The following ASIC2 variants were observed in gnomAD, a reference collection of about 807,000 sequenced individuals.
The protein encoded by ASIC2 is acid-sensing ion channel 2.
Under a neutral mutation model 57.3 loss-of-function variants are expected in ASIC2, and 25 were observed. The observed-to-expected ratio is 0.44, with a 90% CI of 0.32 to 0.61. The LOEUF is 0.61. Ranked by LOEUF, ASIC2 falls within the 20% of genes least tolerant of loss-of-function variation. ASIC2 has a pLI of 0.06. For synonymous variants in ASIC2, 319 were observed against 307.5 expected (o/e 1.04, Z -0.39); for missense variants, 641 against 738.1 (o/e 0.87, Z 1.52).
chr17:33,161,293 C>T (rs1905153377), intron 1 of ASIC2, among the ~76,000 whole-genome samples: 1 of 152,198 alleles, frequency 6.6e-6, no homozygotes, highest in South Asian at 2.1e-4. Context: ...CCTTTATATG[C>T]TCCAGCCACA....
At chr17:33,555,576 C>A (rs1915883616) in intron 1 of ASIC2, among the ~76,000 whole-genome samples, 1 of 152,120 alleles carries the variant, frequency 6.6e-6, no homozygotes. Flanking sequence ...CAGGATGTGA[C>A]AGCCCAAACT....
intron 1 of ASIC2, among the ~76,000 whole-genome samples, chr17:33,368,497 G>A (rs1200433288): frequency 1.3e-5 from 2 of 152,198 alleles, no homozygotes; most frequent in Non-Finnish European, 2.9e-5. Context: ...GACCCAAAGA[G>A]GGCATGAGTT....
At position 33,945,532 on chromosome 17, in the gene ASIC2, C is replaced by T. The variant is rs79646955; in HGVS notation, c.555+210446G>A. 3.9e-3 allele frequency among the ~76,000 whole-genome samples: 590 copies of T among 152,114 alleles called. 24 individuals carry two copies. In the East Asian group the frequency reaches 0.089, roughly 23 times the overall value. On this transcript the variant is annotated intron_variant, in intron 1 of 9. Coordinates refer to the ASIC2 transcript ENST00000359872. ...CAGCAATGTTGCTAACCGAGAATGC[C>T]CAAATCAGCAGGCTTAGACATGGCA...
intron 1 of ASIC2, among the ~76,000 whole-genome samples, chr17:33,846,181 C>T (rs921346526): frequency 1.3e-5 from 2 of 152,284 alleles, no homozygotes; most frequent in Non-Finnish European, 2.9e-5. Context: ...TCTGGACATG[C>T]TATGGCTTGG....
At chr17:33,635,353 A>G (rs1597815862) in intron 1 of ASIC2, among the ~76,000 whole-genome samples, 2 of 152,226 alleles carry the variant, frequency 1.3e-5, no homozygotes, top group Admixed American at 1.3e-4. Flanking sequence ...TCTTTTCCAG[A>G]AACAGAAGTT....
intron 1 of ASIC2, among the ~76,000 whole-genome samples, chr17:34,030,391 G>C (rs908560910): frequency 6.6e-5 from 10 of 152,234 alleles, no homozygotes; most frequent in African/African-American, 2.4e-4. Flanking sequence ...CAAGATGGCT[G>C]AATAGGAACA....
chr17:33,755,223 CAGCCACCAAAAAGCTGTAAGAGGCA>C, intron 1 of ASIC2, among the ~76,000 whole-genome samples: 1 of 152,282 alleles, frequency 6.6e-6, no homozygotes, highest in Non-Finnish European at 1.5e-5. Context: ...GGAATGCTGG[CAGCCACCAAAAAGCTGTAAGAGGCA>C]AGCAAATGGA....
chr17:34,114,086 C>A (rs1911359472), intron 1 of ASIC2, among the ~76,000 whole-genome samples: 1 of 152,128 alleles, frequency 6.6e-6, no homozygotes, highest in South Asian at 2.1e-4. Context: ...TGGAATTTCT[C>A]ATTTGGTGCA....
chr17:33,358,940 A>C (rs1371266775), intron 1 of ASIC2, among the ~76,000 whole-genome samples: 3 of 152,232 alleles, frequency 2.0e-5, no homozygotes, highest in Non-Finnish European at 2.9e-5. Flanking sequence ...TTCTAGCCAA[A>C]AGAAACAAGA....
At chr17:33,877,143 G>A (rs957475795) in intron 1 of ASIC2, among the ~76,000 whole-genome samples, 19 of 152,196 alleles carry the variant, frequency 1.2e-4, no homozygotes, top group Non-Finnish European at 2.2e-4. Context: ...TGAGGTGGTG[G>A]AGCCAAGATG....
intron 1 of ASIC2, among the ~76,000 whole-genome samples, chr17:34,109,934 GTGTGTGTGTT>G (rs1392624903): frequency 1.3e-5 from 2 of 152,068 alleles, no homozygotes; most frequent in Admixed American, 1.3e-4. Context: ...ATATGCGTGT[GTGTGTGTGTT>G]TGTGTGTGTG....
chr17:33,504,620 G>A (rs777550445), intron 1 of ASIC2, among the ~76,000 whole-genome samples: 6 of 152,194 alleles, frequency 3.9e-5, no homozygotes, highest in East Asian at 3.8e-4. Context: ...GATTATAGGC[G>A]TGAGCCACTG....
chr17:33,171,701 T>A (rs1905527642), intron 1 of ASIC2, among the ~76,000 whole-genome samples: 1 of 152,230 alleles, frequency 6.6e-6, no homozygotes, highest in Non-Finnish European at 1.5e-5. Flanking sequence ...TCCATTGTCC[T>A]CAGACTAGAA....
chr17:33,035,684 A>T (rs1385898562), intron 3 of ASIC2, among the ~76,000 whole-genome samples: 1 of 152,154 alleles, frequency 6.6e-6, no homozygotes, highest in Non-Finnish European at 1.5e-5. Flanking sequence ...ATTTGGTGAG[A>T]CTTATATTGT....
chr17:33,435,104 G>A (rs561645835), intron 1 of ASIC2, among the ~76,000 whole-genome samples: 33 of 152,260 alleles, frequency 2.2e-4, no homozygotes, highest in African/African-American at 6.7e-4. Context: ...AGTAAAACCT[G>A]GTAGTTCTGA....
At chr17:33,848,874 C>T (rs317394) in intron 1 of ASIC2, among the ~76,000 whole-genome samples, 41,372 of 152,092 alleles carry the variant, frequency 0.27, 6,841 homozygotes, top group East Asian at 0.59. Context: ...ACATTATATG[C>T]ACATATCTAT....
intron 1 of ASIC2, among the ~76,000 whole-genome samples, chr17:33,385,302 C>A (rs1326423624): frequency 6.6e-6 from 1 of 152,066 alleles, no homozygotes; most frequent in Non-Finnish European, 1.5e-5. Flanking sequence ...AGCCCCTGAG[C>A]CCCTCCCTTT....
intron 1 of ASIC2, among the ~76,000 whole-genome samples, chr17:33,835,284 C>T (rs1913241083): frequency 6.6e-6 from 1 of 152,226 alleles, no homozygotes; most frequent in African/African-American, 2.4e-5. Flanking sequence ...ATGCAAACCT[C>T]TTCCAACTTT....
intron 2 of ASIC2, among the ~76,000 whole-genome samples, chr17:33,092,804 G>C (rs756130900): frequency 6.6e-6 from 1 of 152,210 alleles, no homozygotes; most frequent in Non-Finnish European, 1.5e-5. Flanking sequence ...GAGGGCATGG[G>C]ATATCTTTTT....
Sources: allele counts gnomAD v4.1 joint callset (sites outside exome capture counted in the v4.1 genomes callset), GRCh38; gene constraint gnomAD v4.1.1; transcripts MANE v1.5; gene names NCBI Gene and HGNC (gene_info 2026-07-23, HGNC 2026-07-21).